Variants in DGKB observed in about 807,000 individuals in gnomAD.
DGKB encodes the protein 90 kDa diacylglycerol kinase.
Under a neutral mutation model 114.3 loss-of-function variants are expected in DGKB, and 67 were observed. That is an observed-to-expected ratio of 0.59 (90% CI 0.48 to 0.72). The LOEUF is 0.72. DGKB is among the 30% of genes least tolerant of loss of function. DGKB has a pLI of 0.00. For missense variants in DGKB, 907 were observed against 975.2 expected (o/e 0.93, Z 0.93); for synonymous variants, 398 against 323.1 (o/e 1.23, Z -2.49).
intron 2 of DGKB, among the ~76,000 whole-genome samples, chr7:14,829,141 G>T (rs1001055710): frequency 1.3e-5 from 2 of 152,046 alleles, no homozygotes; most frequent in African/African-American, 4.8e-5. Flanking sequence ...ACCTTCATGG[G>T]TAGGGGTGCA....
At chr7:14,621,314 C>T in intron 15 of DGKB, 64 bp downstream of exon 15, 1 of 906,768 alleles carries the variant, frequency 1.1e-6, no homozygotes, top group Non-Finnish European at 1.8e-6. Flanking sequence ...TGAACATATG[C>T]CCCTTTAGAG....
intron 2 of DGKB, among the ~76,000 whole-genome samples, chr7:14,839,880 A>T (rs1045683091): frequency 1.3e-5 from 2 of 152,106 alleles, no homozygotes; most frequent in Non-Finnish European, 2.9e-5. Context: ...ACTTCCTTAC[A>T]AATACCCAGC....
chr7:14,705,952 T>C (rs1826145792), intron 6 of DGKB, among the ~76,000 whole-genome samples: 1 of 150,982 alleles, frequency 6.6e-6, no homozygotes, highest in Non-Finnish European at 1.5e-5. Context: ...CAGGATCAAA[T>C]TCACACATAA....
chr7:14,924,182 T>C (rs896947545), intron 1 of DGKB, among the ~76,000 whole-genome samples: 1 of 152,056 alleles, frequency 6.6e-6, no homozygotes, highest in Non-Finnish European at 1.5e-5. Context: ...TATTTTTCTA[T>C]AGTTCTTAAA....
intron 2 of DGKB, among the ~76,000 whole-genome samples, chr7:14,799,768 C>G (rs892003174): frequency 2.0e-5 from 3 of 152,198 alleles, no homozygotes; most frequent in Non-Finnish European, 2.9e-5. Context: ...GCAGCAAGTA[C>G]AGGCTGCTGT....
At chr7:14,805,559 T>G (rs1267782062) in intron 2 of DGKB, among the ~76,000 whole-genome samples, 2 of 152,096 alleles carry the variant, frequency 1.3e-5, no homozygotes, top group African/African-American at 4.8e-5. Context: ...CAGCCTCTTT[T>G]ATTTGAACAA....
intron 5 of DGKB, among the ~76,000 whole-genome samples, chr7:14,724,178 G>A (rs916566154): frequency 6.6e-6 from 1 of 152,062 alleles, no homozygotes; most frequent in African/African-American, 2.4e-5. Flanking sequence ...TTACAGAAAC[G>A]TATCAGATTT....
chr7:14,818,997 C>T (rs962824999), intron 2 of DGKB, among the ~76,000 whole-genome samples: 8 of 152,090 alleles, frequency 5.3e-5, no homozygotes, highest in South Asian at 2.1e-4. Context: ...TGGAACTGAG[C>T]GTATCAAATC....
intron 16 of DGKB, among the ~76,000 whole-genome samples, chr7:14,609,591 G>C (rs982936371): frequency 6.6e-6 from 1 of 151,938 alleles, no homozygotes; most frequent in African/African-American, 2.4e-5. Flanking sequence ...GTGACAATCT[G>C]CAGAATGGGA....
At chr7:14,958,710 A>G (rs1786664754) in intron 1 of DGKB, among the ~76,000 whole-genome samples, 1 of 151,948 alleles carries the variant, frequency 6.6e-6, no homozygotes, top group Non-Finnish European at 1.5e-5. Flanking sequence ...CCATGTTTTT[A>G]TCACCTCCTT....
chr7:14,594,657 T>C (rs1325097846), intron 17 of DGKB, among the ~76,000 whole-genome samples: 1 of 152,106 alleles, frequency 6.6e-6, no homozygotes, highest in East Asian at 1.9e-4. Flanking sequence ...TTGACAAATT[T>C]ACTGAAATCC....
intron 21 of DGKB, among the ~76,000 whole-genome samples, chr7:14,360,995 A>T (rs1338424632): frequency 6.6e-6 from 1 of 152,036 alleles, no homozygotes; most frequent in Non-Finnish European, 1.5e-5. Flanking sequence ...AATCGAGAAA[A>T]AAATTACACC....
intron 20 of DGKB, among the ~76,000 whole-genome samples, chr7:14,558,432 C>T (rs1345075394): frequency 1.3e-5 from 2 of 151,828 alleles, no homozygotes; most frequent in African/African-American, 4.8e-5. Flanking sequence ...AATAATTAAC[C>T]AGAAATGTTT....
chr7:14,371,173 G>A (rs371293881), intron 21 of DGKB, among the ~76,000 whole-genome samples: 1 of 151,994 alleles, frequency 6.6e-6, no homozygotes, highest in South Asian at 2.1e-4. Flanking sequence ...ATTTTCTTTT[G>A]GATATATACC....
At chr7:14,151,481 A>T (rs1489442664) in intron 25 of DGKB, among the ~76,000 whole-genome samples, 1 of 151,940 alleles carries the variant, frequency 6.6e-6, no homozygotes, top group Non-Finnish European at 1.5e-5. Flanking sequence ...AAAAAAAATT[A>T]CATGATTTTA....
intron 2 of DGKB, among the ~76,000 whole-genome samples, chr7:14,777,281 G>C (rs931683781): frequency 6.6e-6 from 1 of 152,106 alleles, no homozygotes; most frequent in Non-Finnish European, 1.5e-5. Flanking sequence ...GTTAATGCTG[G>C]AATGAGTTAA....
chr7:14,197,645 C>G (rs1209635657), intron 23 of DGKB, among the ~76,000 whole-genome samples: 1 of 152,122 alleles, frequency 6.6e-6, no homozygotes, highest in African/African-American at 2.4e-5. Flanking sequence ...CTGATTGCCA[C>G]TTTTACCAGA....
At chr7:14,854,573 G>T (rs1260561246) in intron 1 of DGKB, among the ~76,000 whole-genome samples, 2 of 152,094 alleles carry the variant, frequency 1.3e-5, no homozygotes, top group Non-Finnish European at 2.9e-5. Flanking sequence ...TTCACAGTAG[G>T]GTTTGTGCTC....
At chr7:14,329,944 T>A (rs1809430189) in intron 23 of DGKB, among the ~76,000 whole-genome samples, 1 of 152,038 alleles carries the variant, frequency 6.6e-6, no homozygotes. Flanking sequence ...GTAGGTGATC[T>A]GCCACTATTT....
Sources: gnomAD v4.1 joint callset for allele counts (sites outside exome capture counted in the v4.1 genomes callset) on GRCh38, gnomAD v4.1.1 for gene constraint, MANE v1.5 for transcripts, NCBI Gene and HGNC (gene_info 2026-07-23, HGNC 2026-07-21) for gene names.